TTC31: variants seen among roughly 807,000 people sequenced by gnomAD.
TTC31 encodes tetratricopeptide repeat protein 31.
Under a neutral mutation model 60.4 loss-of-function variants are expected in TTC31, and 59 were observed. The observed-to-expected ratio is 0.98, with a 90% confidence interval of 0.79 to 1.21. The LOEUF is 1.21. Ranked by LOEUF, TTC31 falls within the 50% of genes most tolerant of loss-of-function variation. The pLI, the probability that TTC31 is intolerant of heterozygous loss-of-function variation, is 0.00. For missense variants in TTC31, 672 were observed against 646.9 expected (o/e 1.04, Z -0.42); for synonymous variants, 225 against 249.6 (o/e 0.90, Z 0.93).
rs770774869 is a variant in TTC31, at chr2:74,493,091, G to A, written c.1433G>A (p.Arg478Gln). Residue 478 changes from arginine to glutamine, a missense_variant, in exon 13 of 13, where the codon CGA becomes CAA. By Grantham distance (43) the Arg-to-Gln change is conservative. Coordinates refer to ENST00000233623, the MANE Select transcript of TTC31 (RefSeq NM_022492.6). ...CTCTTGCATTATCCTTCATGTCACC[G>A]AAGCCACCCCAACCAGCCCCTCTCC... Reference protein sequence around the residue: ...SPLLHYPSCHRSHPNQPLSQT... With the variant: ...SPLLHYPSCHQSHPNQPLSQT... 3.7e-6 allele frequency: 6 copies of A among 1,613,888 alleles called. No homozygotes were observed. The highest frequency in any genetic ancestry group is 1.6e-4 in the Middle Eastern group (1 of 6,084).
At chr2:74,483,291 G>C (rs748446505) in intron 1 of TTC31, 31 bp from the exon 2 acceptor site, 24 of 1,613,454 alleles carry the variant, frequency 1.5e-5, no homozygotes, top group Non-Finnish European at 1.9e-5. Flanking sequence ...TCCCGAGCCC[G>C]CTGACGAGGC....
At chr2:74,489,897 G>C in intron 2 of TTC31, 128 bp from the exon 3 acceptor site, 1 of 691,440 alleles carries the variant, frequency 1.4e-6, no homozygotes, top group South Asian at 1.7e-5. Flanking sequence ...GTCAGAGCCA[G>C]TGAGAGTCTC....
chr2:74,483,433 C>T, intron 2 of TTC31, 23 bp downstream of exon 2: 1 of 1,614,128 alleles, frequency 6.2e-7, no homozygotes, highest in Non-Finnish European at 8.5e-7. Flanking sequence ...CTCAGTTTCC[C>T]CCAGTCCTGC....
chr2:74,490,822 G>T (rs942149218), intron 5 of TTC31, 83 bp downstream of exon 5: 7 of 1,416,396 alleles, frequency 4.9e-6, no homozygotes, highest in Non-Finnish European at 6.8e-6. Context: ...GAACAGGAGA[G>T]AGCTCAAGAT....
intron 6 of TTC31, 25 bp downstream of exon 6, chr2:74,491,209 G>A (rs758566939): frequency 2.7e-5 from 43 of 1,614,044 alleles, no homozygotes; most frequent in Non-Finnish European, 3.4e-5. Context: ...CAGGTACTAA[G>A]AGCACCAAGT....
intron 2 of TTC31, among the ~76,000 whole-genome samples, chr2:74,486,066 GA>G (rs1673075908): frequency 6.6e-6 from 1 of 151,992 alleles, no homozygotes; most frequent in Non-Finnish European, 1.5e-5. Flanking sequence ...AGGAGATGGA[GA>G]CCATCCTGGC....
chr2:74,486,368 T>G (rs573749772), intron 2 of TTC31, among the ~76,000 whole-genome samples: 25 of 152,178 alleles, frequency 1.6e-4, no homozygotes, highest in Non-Finnish European at 3.1e-4. Flanking sequence ...CTCTGTTTAC[T>G]CAGCACACAC....
At chr2:74,490,614 CCTGTTTCTCT>C in intron 4 of TTC31, 32 bp from the exon 5 acceptor site, 1 of 1,602,558 alleles carries the variant, frequency 6.2e-7, no homozygotes, top group Non-Finnish European at 8.5e-7. Context: ...TCTCCATTTC[CCTGTTTCTCT>C]CTTTTTCTGT....
rs374911106 is a variant in TTC31, at chr2:74,483,100, C to T, written c.5C>T (p.Ala2Val). MAPIPKTVGRIK... is the reference protein window; with the variant it reads MVPIPKTVGRIK... The stretch of plus-strand genomic sequence containing the variant: ...TTCCGGGTCACTGTAGATGCGATGG[C>T]GCCGATTCCAAAGACTGTGGGGCGG... Residue 2 changes from alanine (A) to valine (V), a missense_variant, in exon 1 of 13, where the codon GCG becomes GTG. Coordinates refer to ENST00000233623, the MANE Select transcript of TTC31 (RefSeq NM_022492.6). 5 of 1,614,104 alleles carry T rather than the reference C, an allele frequency of 3.1e-6. No individual in the cohort carries two copies. In the African/African-American group the frequency reaches 5.3e-5, roughly 17 times the overall value.
In TTC31 at chr2:74,483,395, G is replaced by T; in HGVS notation, c.114G>T (p.Glu38Asp). 1 of 1,614,246 alleles carries T rather than the reference G, an allele frequency of 6.2e-7. No individual in the cohort carries two copies. The highest frequency in any genetic ancestry group is 1.1e-5 in the South Asian group (1 of 91,086). Residue 38 changes from glutamate to aspartate, a missense_variant, in exon 2 of 13, where the codon GAG becomes GAT. Physicochemically the swap from Glu to Asp is conservative, Grantham distance 45 (BLOSUM62 2). Coordinates refer to ENST00000233623, the MANE Select transcript of TTC31 (RefSeq NM_022492.6). ...APKLCKEFGP[E>D]DYGEEDIVDF... is the part of the protein sequence containing the mutation. ...AACTTTGCAAGGAATTCGGTCCAGAGGATTACGGCGAAGAGGTAAAAGCGA... is the reference window on the plus strand; with the variant it reads ...AACTTTGCAAGGAATTCGGTCCAGATGATTACGGCGAAGAGGTAAAAGCGA...
At position 74,491,268 on chromosome 2, in the gene TTC31, C is replaced by T. The variant is rs77805937; in HGVS notation, c.604-27C>T. 3,472 of 1,614,120 alleles carry T rather than the reference C, an allele frequency of 2.2e-3. 71 individuals carry two copies. In the African/African-American group the frequency reaches 0.041, roughly 19 times the overall value. On this transcript the variant is annotated intron_variant, in intron 6 of 12. Transcript: ENST00000233623. The stretch of plus-strand genomic sequence containing the variant: ...AGCAGGCAGCTCAAGGTGATCCCAA[C>T]TCTGTACCTGTCTATCTTTCTTCCA...
intron 2 of TTC31, among the ~76,000 whole-genome samples, chr2:74,484,698 C>T (rs1466668181): frequency 6.6e-6 from 1 of 152,086 alleles, no homozygotes. Context: ...ACCTCGTGAT[C>T]CGCCCGCCTT....
intron 3 of TTC31, 26 bp downstream of exon 3, chr2:74,490,153 G>A (rs748684900): frequency 2.5e-6 from 4 of 1,609,490 alleles, no homozygotes; most frequent in Admixed American, 1.7e-5. Flanking sequence ...ACCGGGCCCA[G>A]GGATCGAGGC....
intron 2 of TTC31, among the ~76,000 whole-genome samples, chr2:74,486,407 T>A (rs543979103): frequency 2.6e-5 from 4 of 152,186 alleles, no homozygotes; most frequent in Non-Finnish European, 5.9e-5. Flanking sequence ...TAGATACTGT[T>A]GTAGGTACTG....
In TTC31 at chr2:74,493,704, T is replaced by G. The variant is rs1481636437; in HGVS notation, c.*486T>G. The G allele has an allele frequency of 1.3e-5, 2 of 157,418 alleles. No homozygotes were observed. Among genetic ancestry groups the G allele is most frequent in the African/African-American group, 4.8e-5 (2 of 41,490 alleles). The allele number at this position is 157,418 out of a possible 1,614,324, so 9.8% of individuals were successfully genotyped here. On this transcript the variant is annotated 3_prime_UTR_variant, in exon 13 of 13. Transcript: ENST00000233623. ...GTTTTTCTAGCCATAGCCCCCAGAT[T>G]ACTCACAGCTCCTCATGCCATTTCC...
Position 74,490,027 on chromosome 2 carries a change from C to T in TTC31, c.132C>T (p.Asp44=). 1 of 1,552,164 alleles carries T rather than the reference C, an allele frequency of 6.4e-7. No individual in the cohort carries two copies. Among genetic ancestry groups the T allele is most frequent in the South Asian group, 1.2e-5 (1 of 84,362 alleles). The change falls in exon 3 of 13, where the codon GAC becomes GAT. Residue 44 remains aspartate (D), a splice_region_variant and synonymous_variant. Coordinates refer to ENST00000233623, the MANE Select transcript of TTC31 (RefSeq NM_022492.6). ...CCTCCCCTCCCCTCCCCTCCCAGGA[C>T]ATAGTGGATTTTCTTCGACGGCTTG... ...EFGPEDYGEE[D]IVDFLRRLVE...
In TTC31 at chr2:74,491,485, C is replaced by T; in HGVS notation, c.689C>T (p.Ser230Leu). The T allele has an allele frequency of 5.0e-6, 8 of 1,612,034 alleles. No homozygotes were observed. Among genetic ancestry groups the T allele is most frequent in the Non-Finnish European group, 6.8e-6 (8 of 1,178,926 alleles). The part of the protein sequence containing the change: ...VQGQCGEEED[S>L]LDLSSTFVSL... The stretch of plus-strand genomic sequence containing the variant: ...AACTTTCCATTTTGTTCACAGGACT[C>T]ACTGGATCTATCTAGCACTTTTGTG... The change falls in exon 8 of 13, where the codon TCA (serine) becomes TTA (leucine). Residue 230 changes from serine to leucine, a missense_variant. Transcript: ENST00000233623.
At position 74,491,815 on chromosome 2, in the gene TTC31, C is replaced by T. The variant is rs1459609108; in HGVS notation, c.876+143C>T. The T allele has an allele frequency of 2.9e-6, 4 of 1,366,330 alleles. No individual in the cohort carries two copies. The South Asian group carries it at 3.9e-5, about 13-fold the overall frequency. 84.6% of individuals were successfully genotyped at this position (1,366,330 alleles called of 1,614,324 possible). A position where few individuals can be genotyped will look rare whatever the true frequency, so the allele number is the denominator to read the frequency against. ...GGTCAAGAGACCTACAGTCAGGCCC[C>T]ATCACTGTCACCATGACCCCGGGTG... is the stretch of plus-strand genomic sequence containing the variant. On this transcript the variant is annotated intron_variant, in intron 8 of 12. Coordinates refer to ENST00000233623, the MANE Select transcript of TTC31 (RefSeq NM_022492.6).
chr2:74,492,510 T>G, intron 11 of TTC31, 65 bp downstream of exon 11: 3 of 1,534,494 alleles, frequency 2.0e-6, no homozygotes, highest in Non-Finnish European at 2.6e-6. Flanking sequence ...AGGGTCTATG[T>G]TGACTTTCTA....
Sources: allele counts gnomAD v4.1 joint callset (sites outside exome capture counted in the v4.1 genomes callset), GRCh38; gene constraint gnomAD v4.1.1; transcripts MANE v1.5; gene names NCBI Gene and HGNC (gene_info 2026-07-23, HGNC 2026-07-21).